Variants in ITCH observed in about 807,000 individuals in gnomAD.
ITCH encodes E3 ubiquitin-protein ligase Itchy homolog.
A neutral mutation model predicts 126.8 loss-of-function variants in ITCH; 28 were observed. The observed-to-expected ratio is 0.22, with a 90% confidence interval of 0.16 to 0.30. The LOEUF is 0.30. Among genes scored for constraint, ITCH ranks in the 10% least tolerant of loss-of-function variants. ITCH has a pLI of 1.00. For missense variants in ITCH, 631 were observed against 1,032.4 expected (o/e 0.61, Z 5.33); for synonymous variants, 342 against 340.0 (o/e 1.01, Z -0.06).
At chr20:34,411,977 C>T (rs1408970829) in intron 4 of ITCH, among the ~76,000 whole-genome samples, 1 of 152,176 alleles carries the variant, frequency 6.6e-6, no homozygotes, top group Non-Finnish European at 1.5e-5. Context: ...AATCATGTAG[C>T]TGACGTGAGG....
chr20:34,404,238 G>A (rs1343169867), intron 3 of ITCH, among the ~76,000 whole-genome samples: 4 of 151,790 alleles, frequency 2.6e-5, no homozygotes, highest in African/African-American at 9.7e-5. Context: ...AATTTACTGT[G>A]GGACTTTAGT....
chr20:34,391,044 C>T (rs1175835381), intron 2 of ITCH, among the ~76,000 whole-genome samples: 1 of 152,058 alleles, frequency 6.6e-6, no homozygotes, highest in Non-Finnish European at 1.5e-5. Flanking sequence ...TGAGTCACCA[C>T]GCCCGGCCTA....
intron 7 of ITCH, among the ~76,000 whole-genome samples, chr20:34,436,369 C>T (rs1983004761): frequency 1.3e-5 from 2 of 152,158 alleles, no homozygotes; most frequent in South Asian, 4.1e-4. Flanking sequence ...GTCTATTCTA[C>T]TCATTGTTAT....
intron 14 of ITCH, among the ~76,000 whole-genome samples, chr20:34,464,642 T>C (rs1466035221): frequency 6.6e-6 from 1 of 152,102 alleles, no homozygotes; most frequent in Admixed American, 6.6e-5. Flanking sequence ...GTTTTTTCTT[T>C]GTCACCTGTA....
chr20:34,466,273 G>C, intron 14 of ITCH: 1 of 443,090 alleles, frequency 2.3e-6, no homozygotes. Flanking sequence ...ATCCTACTTA[G>C]TCAAAAGGAT....
In ITCH at chr20:34,440,245, C is replaced by G. The variant is rs772884585; in HGVS notation, c.770C>G (p.Ser257Cys). Reference sequence around the variant, plus strand: ...CCGACAAATACAAATACAAATACATCTGAAGGAGCAACATCTGGATTAATA... The same window carrying G: ...CCGACAAATACAAATACAAATACATGTGAAGGAGCAACATCTGGATTAATA... ...LPPTNTNTNT[S>C]EGATSGLIIP... The change falls in exon 9 of 25, where the codon TCT (serine) becomes TGT (cysteine). Residue 257 changes from serine to cysteine, a missense_variant. Coordinates refer to ENST00000374864, the MANE Select transcript of ITCH (RefSeq NM_031483.7). 2.5e-6 allele frequency: 4 copies of G among 1,613,156 alleles called. No individual in the cohort carries two copies. In the Admixed American group the frequency reaches 6.7e-5, roughly 27 times the overall value.
chr20:34,388,588 TCA>T (rs2038374272), intron 2 of ITCH, among the ~76,000 whole-genome samples: 1 of 152,130 alleles, frequency 6.6e-6, no homozygotes, highest in Admixed American at 6.6e-5. Context: ...GATTTTGCTC[TCA>T]CATATCTGTC....
chr20:34,399,166 G>A (rs1282571258), intron 3 of ITCH, among the ~76,000 whole-genome samples: 1 of 152,168 alleles, frequency 6.6e-6, no homozygotes, highest in African/African-American at 2.4e-5. Context: ...GCCGAGGTGG[G>A]CGGATCACTT....
rs529660032 is a variant in ITCH at position 34,457,219 on chromosome 20, A to G, written c.1211-171A>G. On this transcript the variant is annotated intron_variant, in intron 12 of 24. Transcript: ENST00000374864. ...TAATATTTCTATAACTTCAGTAAGG[A>G]TGTGCATTTAATAGTCAATAAATTA... Among the ~76,000 whole-genome samples the G allele has an allele frequency of 9.2e-5, 14 of 152,344 alleles. No homozygotes were observed. In the South Asian group the frequency reaches 2.9e-3, roughly 32 times the overall value.
Position 34,464,207 on chromosome 20 carries a change from C to G in ITCH, c.1424+1986C>G, listed in dbSNP as rs568286897. Among the ~76,000 whole-genome samples the G allele has an allele frequency of 2.4e-3, 361 of 149,418 alleles. 3 individuals are homozygous for G. The highest frequency in any genetic ancestry group is 4.0e-3 in the Non-Finnish European group (271 of 67,544). On this transcript the variant is annotated intron_variant, in intron 14 of 24. Transcript: ENST00000374864. ...GTTTCACCACATTAGCCAGGATGGT[C>G]TTGATCTCCTGACCTCGTGATCCAC...
intron 6 of ITCH, among the ~76,000 whole-genome samples, chr20:34,421,645 G>A (rs992124027): frequency 6.6e-6 from 1 of 152,078 alleles, no homozygotes; most frequent in Non-Finnish European, 1.5e-5. Flanking sequence ...TGTAAGCAGA[G>A]GATAAGATCT....
chr20:34,390,877 G>A (rs182495694), intron 2 of ITCH, among the ~76,000 whole-genome samples: 142 of 151,738 alleles, frequency 9.4e-4, no homozygotes, highest in African/African-American at 3.0e-3. Context: ...TCAGACTTCC[G>A]AGTAGCTGGA....
chr20:34,470,128 T>C lies in ITCH; in HGVS notation c.1497+8T>C, dbSNP rs979140421. On this transcript the variant is annotated splice_region_variant and intron_variant, in intron 15 of 24. Transcript: ENST00000374864. Reference sequence around the variant, plus strand: ...TTCCGGTTCTGGTGTCAGGTTAGTATTGGAACTGTATCTCTGTACTGCCTT... The same window carrying C: ...TTCCGGTTCTGGTGTCAGGTTAGTACTGGAACTGTATCTCTGTACTGCCTT... The C allele has an allele frequency of 3.1e-6, 5 of 1,606,768 alleles. No homozygotes were observed. The highest frequency in any genetic ancestry group is 2.7e-5 in the African/African-American group (2 of 74,344).
intron 2 of ITCH, among the ~76,000 whole-genome samples, chr20:34,381,479 T>G (rs765596276): frequency 6.6e-6 from 1 of 151,392 alleles, no homozygotes; most frequent in South Asian, 2.1e-4. Context: ...CAGGCTGGAG[T>G]GCAATGGCGC....
chr20:34,487,135 C>T (rs1472647091), intron 20 of ITCH, among the ~76,000 whole-genome samples: 4 of 151,228 alleles, frequency 2.6e-5, no homozygotes, highest in Middle Eastern at 3.2e-3. Context: ...CCTCAGCCTC[C>T]GGAGTAGCTG....
chr20:34,365,073 G>A (rs1393136842), intron 1 of ITCH, among the ~76,000 whole-genome samples: 1 of 151,946 alleles, frequency 6.6e-6, no homozygotes, highest in East Asian at 1.9e-4. Context: ...GGTGGCAGGC[G>A]CCTGTGGTCC....
intron 24 of ITCH, among the ~76,000 whole-genome samples, chr20:34,506,081 G>A (rs1252389140): frequency 6.6e-6 from 1 of 150,454 alleles, no homozygotes; most frequent in Non-Finnish European, 1.5e-5. Flanking sequence ...TGTTTCTTTT[G>A]TTGAGACATG....
At chr20:34,415,605 C>G (rs1294816341) in intron 6 of ITCH, among the ~76,000 whole-genome samples, 1 of 151,972 alleles carries the variant, frequency 6.6e-6, no homozygotes, top group Non-Finnish European at 1.5e-5. Flanking sequence ...GATTAGTTCT[C>G]TGGGGCTAGT....
intron 11 of ITCH, among the ~76,000 whole-genome samples, chr20:34,446,264 A>G (rs1001402854): frequency 2.0e-5 from 3 of 152,196 alleles, no homozygotes; most frequent in Non-Finnish European, 4.4e-5. Context: ...TAAGGAGCTC[A>G]GGAGAAAATG....
Sources: gnomAD v4.1 joint callset for allele counts (sites outside exome capture counted in the v4.1 genomes callset) on GRCh38, gnomAD v4.1.1 for gene constraint, MANE v1.5 for transcripts, NCBI Gene and HGNC (gene_info 2026-07-23, HGNC 2026-07-21) for gene names.